The following FAM53B variants were observed in gnomAD, a reference collection of about 807,000 sequenced individuals.
FAM53B encodes family with sequence similarity 53 member B.
Under a neutral mutation model 32.7 loss-of-function variants are expected in FAM53B, and 12 were observed. The observed-to-expected ratio is 0.37, with a 90% confidence interval of 0.24 to 0.59. The LOEUF is 0.59. Ranked by LOEUF, FAM53B falls within the 20% of genes least tolerant of loss-of-function variation. The pLI is 0.72. For missense variants in FAM53B, 477 were observed against 577.7 expected, an observed-to-expected ratio of 0.83 and a Z score of 1.79; for synonymous variants, 234 against 228.7, an observed-to-expected ratio of 1.02 and a Z score of -0.21.
intron 4 of FAM53B, among the ~76,000 whole-genome samples, chr10:124,656,483 G>A (rs1002258123): frequency 1.3e-5 from 2 of 152,214 alleles, no homozygotes; most frequent in African/African-American, 4.8e-5. Context: ...ACTAATAGTA[G>A]GGCACTGCTC....
intron 4 of FAM53B, among the ~76,000 whole-genome samples, chr10:124,678,302 T>C (rs1371165627): frequency 2.0e-5 from 3 of 152,162 alleles, no homozygotes; most frequent in Non-Finnish European, 4.4e-5. Context: ...GGGGAGTGTG[T>C]GTACATACAG....
At chr10:124,671,096 A>T (rs1415656367) in intron 4 of FAM53B, 5 of 442,678 alleles carry the variant, frequency 1.1e-5, no homozygotes, top group Admixed American at 7.1e-5. Flanking sequence ...GGACAGAGGC[A>T]GCCGTACATC....
At chr10:124,712,048 G>A (rs1414044272) in intron 1 of FAM53B, among the ~76,000 whole-genome samples, 2 of 152,026 alleles carry the variant, frequency 1.3e-5, no homozygotes, top group African/African-American at 4.8e-5. Context: ...GATAGAGGGA[G>A]ACCTTATATC....
intron 1 of FAM53B, among the ~76,000 whole-genome samples, chr10:124,723,126 G>C (rs1286072953): frequency 1.3e-5 from 2 of 152,222 alleles, no homozygotes; most frequent in African/African-American, 4.8e-5. Context: ...TGCAGAGCTT[G>C]AATCACAGGG....
intron 1 of FAM53B, among the ~76,000 whole-genome samples, chr10:124,707,562 A>AC (rs1478357040): frequency 6.6e-6 from 1 of 152,086 alleles, no homozygotes; most frequent in African/African-American, 2.4e-5. Context: ...ACATGGTGAA[A>AC]CCCCATCTCT....
chr10:124,670,277 T>C (rs982935673), intron 4 of FAM53B, among the ~76,000 whole-genome samples: 3 of 152,162 alleles, frequency 2.0e-5, no homozygotes, highest in Admixed American at 6.5e-5. Flanking sequence ...TCATGTGCCT[T>C]CTTGCCGTGA....
At chr10:124,721,995 G>A (rs1238039712) in intron 1 of FAM53B, among the ~76,000 whole-genome samples, 2 of 152,178 alleles carry the variant, frequency 1.3e-5, no homozygotes, top group African/African-American at 2.4e-5. Context: ...TGATCTCATA[G>A]AAGTAAAAAG....
At chr10:124,693,718 A>G (rs2134076176) in intron 3 of FAM53B, among the ~76,000 whole-genome samples, 1 of 152,258 alleles carries the variant, frequency 6.6e-6, no homozygotes, top group East Asian at 1.9e-4. Context: ...ACAACTTGCA[A>G]ACTGAGGAAA....
intron 4 of FAM53B, among the ~76,000 whole-genome samples, chr10:124,644,065 AC>A (rs1949495062): frequency 6.6e-6 from 1 of 151,858 alleles, no homozygotes; most frequent in Non-Finnish European, 1.5e-5. Context: ...GGGTAAATTC[AC>A]CACCCGGTGC....
chr10:124,717,361 A>G (rs1208661867), intron 1 of FAM53B, among the ~76,000 whole-genome samples: 2 of 152,178 alleles, frequency 1.3e-5, no homozygotes, highest in Non-Finnish European at 2.9e-5. Flanking sequence ...CTCTGGAGAG[A>G]GCATGAAAAT....
At chr10:124,734,237 G>A (rs1482356227) in intron 1 of FAM53B, among the ~76,000 whole-genome samples, 6 of 152,222 alleles carry the variant, frequency 3.9e-5, no homozygotes. Flanking sequence ...CATAATACGA[G>A]CTATGAGCTC....
intron 4 of FAM53B, among the ~76,000 whole-genome samples, chr10:124,652,007 G>A (rs902099187): frequency 6.6e-6 from 1 of 152,184 alleles, no homozygotes; most frequent in Non-Finnish European, 1.5e-5. Flanking sequence ...CCCTCCAGGA[G>A]TCCCTTTCCA....
chr10:124,670,422 C>G (rs913475980), intron 4 of FAM53B, among the ~76,000 whole-genome samples: 7 of 152,134 alleles, frequency 4.6e-5, no homozygotes, highest in Non-Finnish European at 7.4e-5. Context: ...GCATTCCAAC[C>G]CTGCGCTCCA....
At chr10:124,742,712 G>C (rs10901814) in intron 1 of FAM53B, 75,151 of 152,158 alleles carry the variant, frequency 0.49, 20,618 homozygotes, top group South Asian at 0.65. Flanking sequence ...ATTTGTTCCT[G>C]TTGAACAACC....
intron 4 of FAM53B, chr10:124,667,058 AC>A: frequency 3.4e-6 from 1 of 292,598 alleles, no homozygotes. Flanking sequence ...TTATACCCGT[AC>A]CCCAAAGCCC....
intron 4 of FAM53B, among the ~76,000 whole-genome samples, chr10:124,668,587 C>A (rs1949687730): frequency 6.6e-6 from 1 of 152,264 alleles, no homozygotes. Flanking sequence ...CAAGGGGACA[C>A]AAGGTACAGA....
intron 1 of FAM53B, among the ~76,000 whole-genome samples, chr10:124,724,244 A>T (rs377331934): frequency 6.6e-6 from 1 of 152,144 alleles, no homozygotes; most frequent in East Asian, 1.9e-4. Context: ...TTCTATTAGG[A>T]TGCTGCTAAA....
At chr10:124,702,935 C>T (rs1367470804) in intron 2 of FAM53B, among the ~76,000 whole-genome samples, 1 of 152,132 alleles carries the variant, frequency 6.6e-6, no homozygotes, top group Non-Finnish European at 1.5e-5. Context: ...CTGGCACCTC[C>T]TCCCTTCCCT....
At chr10:124,643,802 C>T (rs556785306) in intron 4 of FAM53B, among the ~76,000 whole-genome samples, 1 of 152,346 alleles carries the variant, frequency 6.6e-6, no homozygotes, top group African/African-American at 2.4e-5. Context: ...CACAGCGGTG[C>T]ACGCTGGGCG....
Sources: allele counts gnomAD v4.1 joint callset (sites outside exome capture counted in the v4.1 genomes callset), GRCh38; gene constraint gnomAD v4.1.1; transcripts MANE v1.5; gene names NCBI Gene and HGNC (gene_info 2026-07-23, HGNC 2026-07-21).